TAOK1: variants seen among roughly 807,000 people sequenced by gnomAD.
TAOK1 encodes serine/threonine-protein kinase TAO1.
TAOK1 carries 21 observed loss-of-function variants against 138.3 expected under a neutral mutation model. The ratio of observed to expected loss-of-function variants is 0.15; its 90% confidence interval spans 0.11 to 0.22. The LOEUF (loss-of-function observed/expected upper bound fraction) is 0.22, where lower values mean the gene tolerates loss of function less well. TAOK1 is among the 10% of genes least tolerant of loss of function. The probability of loss-of-function intolerance (pLI) is 1.00; values close to 1 mark genes in which losing one functional copy is unlikely to be tolerated. For missense variants in TAOK1, 651 were observed against 1,227.7 expected (o/e 0.53, Z 7.02); for synonymous variants, 361 against 398.4 (o/e 0.91, Z 1.12).
intron 3 of TAOK1, among the ~76,000 whole-genome samples, chr17:29,467,785 C>A (rs1287532923): frequency 1.3e-5 from 2 of 151,856 alleles, no homozygotes; most frequent in Non-Finnish European, 2.9e-5. Context: ...CCCCCCTACT[C>A]TTGCTTCCTG....
intron 8 of TAOK1, among the ~76,000 whole-genome samples, chr17:29,482,664 A>C (rs2031087909): frequency 6.6e-6 from 1 of 151,678 alleles, no homozygotes; most frequent in Non-Finnish European, 1.5e-5. Flanking sequence ...CTTTTTTTTT[A>C]ATTAGGGATG....
At position 29,405,608 on chromosome 17, in the gene TAOK1, G is replaced by A. The variant is rs529922624; in HGVS notation, c.-95+14584G>A. Among the ~76,000 whole-genome samples, 5 of 151,872 alleles carry A rather than the reference G, an allele frequency of 3.3e-5. No homozygotes were observed. In the South Asian group the frequency reaches 8.3e-4, roughly 25 times the overall value. On this transcript the variant is annotated intron_variant, in intron 1 of 19. Coordinates refer to ENST00000261716, the MANE Select transcript of TAOK1 (RefSeq NM_020791.4). ...AGCCTGGCCAATATGGTGAAACCCC[G>A]TCTCTACTAAAAATGCAAAAATTAG...
intron 3 of TAOK1, among the ~76,000 whole-genome samples, chr17:29,475,069 T>G (rs1245622161): frequency 6.6e-6 from 1 of 151,926 alleles, no homozygotes; most frequent in Admixed American, 6.6e-5. Context: ...GCCTCCCGAG[T>G]ACCTGGGACT....
At chr17:29,452,071 C>G (rs1294567971) in intron 2 of TAOK1, among the ~76,000 whole-genome samples, 1 of 151,922 alleles carries the variant, frequency 6.6e-6, no homozygotes, top group Non-Finnish European at 1.5e-5. Context: ...CAAAACTTAG[C>G]CCGGTGTGGT....
intron 3 of TAOK1, among the ~76,000 whole-genome samples, chr17:29,470,780 A>G (rs775139623): frequency 9.9e-5 from 15 of 152,200 alleles, no homozygotes; most frequent in Non-Finnish European, 1.5e-4. Flanking sequence ...TAAAGCAAAT[A>G]TCATAATAAA....
intron 1 of TAOK1, among the ~76,000 whole-genome samples, chr17:29,446,221 A>G (rs982525939): frequency 2.6e-5 from 4 of 151,970 alleles, no homozygotes; most frequent in Non-Finnish European, 4.4e-5. Context: ...CAAATAACCA[A>G]TTTTTGACTT....
At chr17:29,538,089 C>T (rs889498801) in intron 19 of TAOK1, among the ~76,000 whole-genome samples, 11 of 131,562 alleles carry the variant, frequency 8.4e-5, no homozygotes, top group East Asian at 6.4e-4. Flanking sequence ...TCCAGCCTGG[C>T]GACAGAGCAA....
At chr17:29,535,560 A>G (rs1401117770) in intron 19 of TAOK1, among the ~76,000 whole-genome samples, 1 of 152,142 alleles carries the variant, frequency 6.6e-6, no homozygotes. Flanking sequence ...ATTAAAGTAA[A>G]AAATATCTTT....
intron 2 of TAOK1, among the ~76,000 whole-genome samples, chr17:29,453,708 C>G (rs1490202003): frequency 6.6e-6 from 1 of 151,760 alleles, no homozygotes; most frequent in Admixed American, 6.6e-5. Flanking sequence ...TCTCGAGTAG[C>G]TGGGATTACA....
chr17:29,488,914 A>G (rs1230779382), intron 8 of TAOK1, among the ~76,000 whole-genome samples: 1 of 152,092 alleles, frequency 6.6e-6, no homozygotes, highest in African/African-American at 2.4e-5. Flanking sequence ...AATATGAACA[A>G]TTTTCTGTCA....
chr17:29,490,859 A>G lies in TAOK1; in HGVS notation c.750-925A>G, dbSNP rs996297979. On this transcript the variant is annotated intron_variant, in intron 9 of 19. Coordinates refer to ENST00000261716, the MANE Select transcript of TAOK1 (RefSeq NM_020791.4). ...TTTAACTCTGCATCCTTTGGAGGGGAGAAACATTGTGTCCTCACATGGCAG... is the reference window on the plus strand; with the variant it reads ...TTTAACTCTGCATCCTTTGGAGGGGGGAAACATTGTGTCCTCACATGGCAG... Among the ~76,000 whole-genome samples the G allele has an allele frequency of 1.3e-5, 2 of 152,148 alleles. 1 individual carries two copies. Among genetic ancestry groups the G allele is most frequent in the South Asian group, 4.1e-4 (2 of 4,830 alleles).
chr17:29,413,846 G>A (rs1042287254), intron 1 of TAOK1, among the ~76,000 whole-genome samples: 1 of 150,096 alleles, frequency 6.7e-6, no homozygotes, highest in South Asian at 2.1e-4. Flanking sequence ...CATAAAAAAG[G>A]AATCGTACAA....
At chr17:29,528,725 C>T (rs541343052) in intron 17 of TAOK1, among the ~76,000 whole-genome samples, 2 of 150,802 alleles carry the variant, frequency 1.3e-5, no homozygotes, top group South Asian at 4.2e-4. Flanking sequence ...CTGTAATCCC[C>T]ACTACTCAGG....
At chr17:29,532,384 T>A (rs1166405740) in intron 18 of TAOK1, among the ~76,000 whole-genome samples, 15 of 148,756 alleles carry the variant, frequency 1.0e-4, no homozygotes, top group Admixed American at 2.7e-4. Context: ...TTCTTGGGTG[T>A]TTCTCGCAGA....
chr17:29,401,511 A>T (rs936095675), intron 1 of TAOK1, among the ~76,000 whole-genome samples: 3 of 152,096 alleles, frequency 2.0e-5, no homozygotes, highest in African/African-American at 7.2e-5. Context: ...AGCTCTTGAG[A>T]ACTCACTATC....
intron 13 of TAOK1, among the ~76,000 whole-genome samples, chr17:29,504,412 G>A (rs1363890115): frequency 6.6e-6 from 1 of 151,966 alleles, no homozygotes; most frequent in Non-Finnish European, 1.5e-5. Flanking sequence ...GCTCACACCT[G>A]TAATCCCAGC....
rs1257803601 is a variant in TAOK1 at position 29,544,165 on chromosome 17, T to G, written c.*1143T>G. On this transcript the variant is annotated 3_prime_UTR_variant, in exon 20 of 20. Transcript: ENST00000261716. The stretch of plus-strand genomic sequence containing the variant: ...ACATAATTGTTATCTCCTTTTGGCT[T>G]ATGTGATTTTCTGTTTACAAGTAGA... 1 of 152,640 alleles carries G rather than the reference T, an allele frequency of 6.6e-6. No homozygotes were observed. The highest frequency in any genetic ancestry group is 6.5e-5 in the Admixed American group (1 of 15,280). The allele number at this position is 152,640 out of a possible 1,614,324, so 9.5% of individuals were successfully genotyped here.
At chr17:29,499,891 G>A (rs2031492860) in intron 12 of TAOK1, among the ~76,000 whole-genome samples, 1 of 152,168 alleles carries the variant, frequency 6.6e-6, no homozygotes, top group South Asian at 2.1e-4. Context: ...GAATGTAATT[G>A]TAGAAAACTG....
intron 1 of TAOK1, among the ~76,000 whole-genome samples, chr17:29,401,763 TC>T (rs1018437627): frequency 3.9e-5 from 6 of 152,076 alleles, no homozygotes; most frequent in Non-Finnish European, 8.8e-5. Flanking sequence ...CAAGCAATCC[TC>T]CCACCTCAGC....
Sources: gnomAD v4.1 joint callset for allele counts (sites outside exome capture counted in the v4.1 genomes callset) on GRCh38, gnomAD v4.1.1 for gene constraint, MANE v1.5 for transcripts, NCBI Gene and HGNC (gene_info 2026-07-23, HGNC 2026-07-21) for gene names.